CCDC171: variants seen among roughly 807,000 people sequenced by gnomAD.
CCDC171 encodes coiled-coil domain-containing protein 171.
A neutral mutation model predicts 168.2 loss-of-function variants in CCDC171; 177 were observed. That is an observed-to-expected ratio of 1.05 (90% CI 0.93 to 1.19). CCDC171 has a LOEUF of 1.19. Among genes scored for constraint, CCDC171 ranks in the 50% most tolerant of loss-of-function variants. The pLI is 0.00. For synonymous variants in CCDC171, 687 were observed against 540.8 expected (o/e 1.27, Z -3.75); for missense variants, 1,991 against 1,539.0 (o/e 1.29, Z -4.91).
At chr9:15,799,632 C>T (rs1279199712) in intron 21 of CCDC171, among the ~76,000 whole-genome samples, 2 of 152,036 alleles carry the variant, frequency 1.3e-5, no homozygotes, top group African/African-American at 4.8e-5. Flanking sequence ...CAATTATACT[C>T]TTTCAGTTAT....
intron 21 of CCDC171, among the ~76,000 whole-genome samples, chr9:15,836,514 G>A (rs1329168991): frequency 1.3e-5 from 2 of 152,050 alleles, no homozygotes; most frequent in African/African-American, 2.4e-5. Flanking sequence ...ACCACGTCCG[G>A]CTAATTTTTT....
chr9:15,819,355 A>T (rs1250065090), intron 21 of CCDC171, among the ~76,000 whole-genome samples: 1 of 117,472 alleles, frequency 8.5e-6, no homozygotes, highest in African/African-American at 3.2e-5. Context: ...ATTAACCTTA[A>T]ATGTAAATGG....
intron 21 of CCDC171, among the ~76,000 whole-genome samples, chr9:15,794,036 G>A (rs2058422908): frequency 7.2e-4 from 1 of 1,394 alleles, no homozygotes; most frequent in African/African-American, 1.7e-3. Context: ...AGGTGGAGGT[G>A]TGGTAGGCAT....
chr9:15,736,278 A>G (rs755497722), intron 16 of CCDC171, among the ~76,000 whole-genome samples: 108 of 152,136 alleles, frequency 7.1e-4, no homozygotes, highest in Non-Finnish European at 1.3e-3. Context: ...TTAGAAATAT[A>G]TGCTATTTTT....
intron 6 of CCDC171, among the ~76,000 whole-genome samples, chr9:15,603,711 A>G (rs897136187): frequency 2.0e-5 from 3 of 151,416 alleles, no homozygotes; most frequent in Admixed American, 6.5e-5. Flanking sequence ...TGCAATGAGC[A>G]TACATGTGCA....
chr9:15,639,862 A>G lies in CCDC171; in HGVS notation c.822+16449A>G, dbSNP rs1564113148. Among the ~76,000 whole-genome samples, 3 of 152,308 alleles carry G rather than the reference A, an allele frequency of 2.0e-5. No homozygotes were observed. The East Asian group carries it at 5.8e-4, about 29-fold the overall frequency. ...TTGGCCATTAATAAAACAGTTACAG[A>G]TGAATTGTAGTTCAGAGAAGTAAGT... On this transcript the variant is annotated intron_variant, in intron 7 of 25. Transcript: ENST00000380701.
intron 3 of CCDC171, among the ~76,000 whole-genome samples, chr9:16,017,900 C>T (rs1478956446): frequency 6.6e-6 from 1 of 152,164 alleles, no homozygotes; most frequent in African/African-American, 2.4e-5. Context: ...CTGCTCCTGC[C>T]TCATGAAGCC....
chr9:15,701,555 A>G (rs1336177434), intron 11 of CCDC171, among the ~76,000 whole-genome samples: 1 of 143,940 alleles, frequency 6.9e-6, no homozygotes, highest in African/African-American at 2.5e-5. Flanking sequence ...ATTTGATACC[A>G]TTTTACCCTC....
intron 1 of CCDC171, among the ~76,000 whole-genome samples, chr9:16,050,580 A>G (rs1586862045): frequency 6.6e-6 from 1 of 152,216 alleles, no homozygotes; most frequent in South Asian, 2.1e-4. Flanking sequence ...TACTGGAGGT[A>G]TGACTTATGT....
chr9:15,834,298 C>G (rs2060349931), intron 21 of CCDC171, among the ~76,000 whole-genome samples: 2 of 152,004 alleles, frequency 1.3e-5, no homozygotes, highest in African/African-American at 4.8e-5. Flanking sequence ...AGGTAATTAT[C>G]TAATTATATG....
chr9:15,683,482 A>T (rs1229870257), intron 10 of CCDC171, among the ~76,000 whole-genome samples: 2 of 152,038 alleles, frequency 1.3e-5, no homozygotes, highest in East Asian at 3.8e-4. Flanking sequence ...AAAAAGATTG[A>T]TTCTTGTTTT....
chr9:15,755,170 A>G (rs1207355401), intron 18 of CCDC171, among the ~76,000 whole-genome samples: 1 of 152,150 alleles, frequency 6.6e-6, no homozygotes, highest in Non-Finnish European at 1.5e-5. Context: ...GTAAGTAGAA[A>G]TCTAGACTGG....
At chr9:16,086,559 G>C in the CCDC171 span, among the ~76,000 whole-genome samples, 1 of 151,962 alleles carries the variant, frequency 6.6e-6, no homozygotes, top group Non-Finnish European at 1.5e-5. Context: ...GCCCGCCTCA[G>C]CCTCCCTATC....
intron 24 of CCDC171, among the ~76,000 whole-genome samples, chr9:15,915,026 T>C (rs1392914357): frequency 5.3e-5 from 8 of 152,128 alleles, no homozygotes. Context: ...CAGTTGGAAA[T>C]GCAGAAGTAA....
chr9:16,081,096 C>A, the CCDC171 span, among the ~76,000 whole-genome samples: 7 of 152,336 alleles, frequency 4.6e-5, no homozygotes, highest in East Asian at 1.4e-3. Flanking sequence ...ACCTCTCCTA[C>A]CCAAAGTTCA....
chr9:15,870,796 T>TC (rs2062004587), intron 23 of CCDC171, among the ~76,000 whole-genome samples: 1 of 151,356 alleles, frequency 6.6e-6, no homozygotes. Context: ...AAATAGCTTT[T>TC]TTTTTTGTTT....
At chr9:15,622,984 C>A (rs899203255) in intron 6 of CCDC171, among the ~76,000 whole-genome samples, 2 of 152,046 alleles carry the variant, frequency 1.3e-5, no homozygotes, top group East Asian at 3.9e-4. Flanking sequence ...ATATAAATAC[C>A]TTCAGAGGTC....
chr9:15,777,463 G>A (rs542210093), intron 18 of CCDC171, 137 bp from the exon 19 acceptor site: 164 of 542,276 alleles, frequency 3.0e-4, no homozygotes, highest in Non-Finnish European at 4.7e-4. Flanking sequence ...AATGTGGGAA[G>A]GACCTTTTTG....
chr9:15,726,636 A>G (rs938379269), intron 14 of CCDC171, among the ~76,000 whole-genome samples: 1 of 152,170 alleles, frequency 6.6e-6, no homozygotes, highest in African/African-American at 2.4e-5. Flanking sequence ...ACATTTGGAA[A>G]AAAGGTGGCA....
Sources: allele counts gnomAD v4.1 joint callset (sites outside exome capture counted in the v4.1 genomes callset), GRCh38; gene constraint gnomAD v4.1.1; transcripts MANE v1.5; gene names NCBI Gene and HGNC (gene_info 2026-07-23, HGNC 2026-07-21).